The following PHC2 variants were observed in gnomAD, a reference collection of about 807,000 sequenced individuals.
The protein encoded by PHC2 is polyhomeotic homolog 2, also known as polyhomeotic-like protein 2.
In PHC2, 29 loss-of-function variants were observed where a neutral mutation model predicts 87.4. That is an observed-to-expected ratio of 0.33 (90% CI 0.25 to 0.45). The LOEUF (loss-of-function observed/expected upper bound fraction) is 0.45, where lower values mean the gene tolerates loss of function less well. Among genes scored for constraint, PHC2 ranks in the 20% least tolerant of loss-of-function variants. The pLI is 1.00. For missense variants in PHC2, 857 were observed against 1,136.7 expected (o/e 0.75, Z 3.54); for synonymous variants, 438 against 461.7 (o/e 0.95, Z 0.66).
intron 1 of PHC2, among the ~76,000 whole-genome samples, chr1:33,378,690 T>C (rs1648304426): frequency 6.6e-6 from 1 of 152,194 alleles, no homozygotes; most frequent in Non-Finnish European, 1.5e-5. Flanking sequence ...CTTCACGTGA[T>C]TGAGAGAGCA....
intron 2 of PHC2, among the ~76,000 whole-genome samples, chr1:33,373,555 G>A (rs1345963443): frequency 6.6e-6 from 1 of 152,042 alleles, no homozygotes; most frequent in Non-Finnish European, 1.5e-5. Flanking sequence ...ACAAAAGGCT[G>A]TCCTTTGATC....
rs1218492811 is a variant in PHC2, at chr1:33,368,576, A to C, written c.623T>G (p.Leu208Arg). ...GGGCCGGGCGGGGGAGCCAGTGCCG[A>C]GCTCAGGCTGCACAGTAGCGACGGT... ...TATVATVQPE[L>R]GTGSPARPPT... is the part of the protein sequence containing the mutation. The change falls in exon 6 of 15, where the codon CTC (leucine) becomes CGC (arginine). Residue 208 changes from leucine (L) to arginine (R), a missense_variant. Coordinates refer to ENST00000683057, the MANE Select transcript of PHC2 (RefSeq NM_001385109.1). The surrounding 1 kb of genome is among the most constrained non-coding windows in gnomAD (Gnocchi z 6.6). 6.5e-7 allele frequency: 1 copy of C among 1,550,138 alleles called. No homozygotes were observed. Among genetic ancestry groups the C allele is most frequent in the Non-Finnish European group, 8.7e-7 (1 of 1,146,372 alleles).
At chr1:33,342,532 T>G (rs1374703626) in intron 9 of PHC2, among the ~76,000 whole-genome samples, 2 of 118,992 alleles carry the variant, frequency 1.7e-5, no homozygotes, top group Non-Finnish European at 3.6e-5. Context: ...CCCCACCCCA[T>G]GCAGTTCAGG....
Position 33,354,902 on chromosome 1 carries a change from G to A in PHC2, c.1328C>T (p.Thr443Ile). The change falls in exon 8 of 15, where the codon ACC becomes ATC. Residue 443 changes from threonine (T) to isoleucine (I), a missense_variant. Physicochemically the swap from Thr to Ile is moderately conservative, Grantham distance 89 (BLOSUM62 -1). Around this residue, in one of 3 missense-constraint regions of PHC2, gnomAD observed 832 missense variants for 1,081.8 expected, o/e 0.77. Transcript: ENST00000683057. ...AGTGTGCTGGAACCTGCGTTGAGGG[G>A]TGTGGGGCACGCCCTCGGGATGTCC... ...QNGHPEGVPH[T>I]PQRRFQHTSA... The A allele has an allele frequency of 6.2e-7, 1 of 1,614,220 alleles. No individual in the cohort carries two copies. Among genetic ancestry groups the A allele is most frequent in the Non-Finnish European group, 8.5e-7 (1 of 1,180,040 alleles).
At position 33,367,413 on chromosome 1, in the gene PHC2, G is replaced by C. The variant is rs942698358; in HGVS notation, c.679C>G (p.Leu227Val). ...GCCGCTGGTGTCTGCTGTGTTCGGA[G>C]GGTCAAGTTCTGTACCTGGAAAAGA... ...PTPAQVQNLT[L>V]RTQQTPAAAA... Residue 227 changes from leucine (L) to valine (V), a missense_variant, in exon 7 of 15, where the codon CTC becomes GTC. By Grantham distance (32) the Leu-to-Val change is conservative. Coordinates refer to ENST00000683057, the MANE Select transcript of PHC2 (RefSeq NM_001385109.1). 5.7e-6 allele frequency: 9 copies of C among 1,576,536 alleles called. No individual in the cohort carries two copies. The African/African-American group carries it at 8.1e-5, about 14-fold the overall frequency.
intron 10 of PHC2, 191 bp downstream of exon 10, chr1:33,333,899 T>C: frequency 1.7e-6 from 1 of 584,264 alleles, no homozygotes; most frequent in South Asian, 2.2e-5. Context: ...TCCTGATCAC[T>C]GACCCCCCTC....
chr1:33,354,769 G>A (rs948676928), intron 8 of PHC2, 69 bp downstream of exon 8: 6 of 1,524,206 alleles, frequency 3.9e-6, no homozygotes, highest in South Asian at 1.2e-5. Context: ...ACCTCTTGAC[G>A]GGGCTGTGGG....
rs975060638 is a variant in PHC2, at chr1:33,349,868, C to T, written c.1558+4533G>A. 79 of 977,636 alleles carry T rather than the reference C, an allele frequency of 8.1e-5. No homozygotes were observed. Among genetic ancestry groups the T allele is most frequent in the African/African-American group, 1.2e-4 (7 of 56,106 alleles). The allele number at this position is 977,636 out of a possible 1,614,324, so 60.6% of individuals were successfully genotyped here. A position where few individuals can be genotyped will look rare whatever the true frequency, so the allele number is the denominator to read the frequency against. On this transcript the variant is annotated intron_variant, in intron 9 of 14. Transcript: ENST00000683057. The surrounding 1 kb of genome is among the most constrained non-coding windows in gnomAD (Gnocchi z 4.2). ...GTTGCGCGCGCGCGCGCGGCGGGCG[C>T]TCGAGGGCTGCAGCCGCCGCGGAGA...
intron 1 of PHC2, among the ~76,000 whole-genome samples, chr1:33,385,969 G>A (rs1290696485): frequency 1.3e-5 from 2 of 151,448 alleles, no homozygotes; most frequent in African/African-American, 4.8e-5. Context: ...GCTAATTTTT[G>A]TATTTTTAGT....
At position 33,367,330 on chromosome 1, in the gene PHC2, G is replaced by A. The variant is rs747703666; in HGVS notation, c.762C>T (p.Pro254=). Residue 254 remains proline (P), a synonymous_variant, in exon 7 of 15, where the codon CCC becomes CCT. Transcript: ENST00000683057. The part of the protein sequence containing the change: ...QPVLPSLALK[P]TPGGSQPLPT... ...GCAGAGGCTGGCTACCGCCCGGCGT[G>A]GGTTTCAGGGCCAAGCTGGGCAGGA... 2 of 1,613,340 alleles carry A rather than the reference G, an allele frequency of 1.2e-6. No individual in the cohort carries two copies. Among genetic ancestry groups the A allele is most frequent in the African/African-American group, 2.7e-5 (2 of 74,936 alleles).
intron 1 of PHC2, among the ~76,000 whole-genome samples, chr1:33,386,813 C>G (rs1237904605): frequency 2.0e-5 from 3 of 152,026 alleles, no homozygotes; most frequent in African/African-American, 7.2e-5. Flanking sequence ...CGCACACACA[C>G]CCTGCACACA....
intron 6 of PHC2, 110 bp from the exon 7 acceptor site, chr1:33,367,538 G>T: frequency 1.2e-6 from 1 of 865,206 alleles, no homozygotes; most frequent in Non-Finnish European, 1.8e-6. Flanking sequence ...AGAACAGGAG[G>T]TTGTCAAATC....
At chr1:33,397,320 C>A (rs1038190296) in intron 1 of PHC2, among the ~76,000 whole-genome samples, 8 of 152,142 alleles carry the variant, frequency 5.3e-5, no homozygotes, top group African/African-American at 1.9e-4. Context: ...TAGTTGAGGG[C>A]CACTTCTTGA....
chr1:33,351,196 T>C (rs919456285), intron 9 of PHC2, among the ~76,000 whole-genome samples: 1 of 152,052 alleles, frequency 6.6e-6, no homozygotes, highest in Non-Finnish European at 1.5e-5. Flanking sequence ...CGTGAAGGAG[T>C]GTGGTTGTGT....
At chr1:33,362,099 T>C (rs1647207686) in intron 7 of PHC2, among the ~76,000 whole-genome samples, 1 of 152,208 alleles carries the variant, frequency 6.6e-6, no homozygotes, top group South Asian at 2.1e-4. Flanking sequence ...GGTGGTGCAA[T>C]CTTAGATAAA....
chr1:33,365,141 G>A (rs1215370564), intron 7 of PHC2, among the ~76,000 whole-genome samples: 2 of 152,166 alleles, frequency 1.3e-5, no homozygotes, highest in Non-Finnish European at 2.9e-5. Context: ...GACGGATGTG[G>A]TAAGCTCCTG....
At chr1:33,351,885 T>C (rs897097542) in intron 9 of PHC2, among the ~76,000 whole-genome samples, 2 of 141,738 alleles carry the variant, frequency 1.4e-5, no homozygotes, top group African/African-American at 2.6e-5. Flanking sequence ...CCGGGAGGTG[T>C]AGATTGCAGT....
chr1:33,337,502 G>A (rs567875971), intron 9 of PHC2, among the ~76,000 whole-genome samples: 1 of 152,304 alleles, frequency 6.6e-6, no homozygotes, highest in Admixed American at 6.5e-5. Flanking sequence ...CTATCATTGA[G>A]TCAACTGCGG....
intron 1 of PHC2, among the ~76,000 whole-genome samples, chr1:33,404,266 G>C (rs1233893156): frequency 1.3e-5 from 2 of 151,878 alleles, no homozygotes; most frequent in African/African-American, 4.8e-5. Flanking sequence ...TCCATCTATA[G>C]AATAAAATAA....
Sources: gnomAD v4.1 joint callset for allele counts (sites outside exome capture counted in the v4.1 genomes callset) on GRCh38, gnomAD v4.1.1 for gene constraint, gnomAD v4.1.1 regional missense constraint, Gnocchi (gnomAD v3.1) non-coding constraint, MANE v1.5 for transcripts, NCBI Gene and HGNC (gene_info 2026-07-23, HGNC 2026-07-21) for gene names.